Variants in ANKRD17 observed in about 807,000 individuals in gnomAD.
The protein encoded by ANKRD17 is ankyrin repeat domain-containing protein 17.
A neutral mutation model predicts 229.7 loss-of-function variants in ANKRD17; 19 were observed. The observed-to-expected ratio is 0.08, with a 90% CI of 0.06 to 0.12. The LOEUF is 0.12. Ranked by LOEUF, ANKRD17 falls within the 10% of genes least tolerant of loss-of-function variation. The probability of loss-of-function intolerance (pLI) is 1.00; values close to 1 mark genes in which losing one functional copy is unlikely to be tolerated. For synonymous variants in ANKRD17, 1,112 were observed against 1,146.1 expected, an observed-to-expected ratio of 0.97 and a Z score of 0.60; for missense variants, 2,176 against 3,176.8, an observed-to-expected ratio of 0.68 and a Z score of 7.57.
chr4:73,205,324 A>T (rs1242695658), intron 1 of ANKRD17, among the ~76,000 whole-genome samples: 1 of 152,162 alleles, frequency 6.6e-6, no homozygotes, highest in East Asian at 1.9e-4. Context: ...TCTAAAAAAA[A>T]TTTTTTAGCA....
chr4:73,073,592 T>A lies in ANKRD17; in HGVS notation c.*2639A>T, dbSNP rs1720843893. On this transcript the variant is annotated 3_prime_UTR_variant, in exon 34 of 34. Coordinates refer to ENST00000358602, the MANE Select transcript of ANKRD17 (RefSeq NM_032217.5). Reference sequence around the variant, plus strand: ...GATTAGTTAATAAGCTATTTACCTTTTCCAAAGGAGAAAAATGACTATACG... The same window carrying A: ...GATTAGTTAATAAGCTATTTACCTTATCCAAAGGAGAAAAATGACTATACG... The A allele has an allele frequency of 6.6e-6, 1 of 152,068 alleles. No individual in the cohort carries two copies. The highest frequency in any genetic ancestry group is 6.5e-5 in the Admixed American group (1 of 15,278). 9.4% of individuals were successfully genotyped at this position (152,068 alleles called of 1,614,324 possible). A position where few individuals can be genotyped will look rare whatever the true frequency, so the allele number is the denominator to read the frequency against.
chr4:73,153,708 T>C (rs767396838), intron 6 of ANKRD17, among the ~76,000 whole-genome samples, 172 bp downstream of exon 6: 5 of 152,250 alleles, frequency 3.3e-5, no homozygotes, highest in African/African-American at 4.8e-5. Context: ...AAATCTATAT[T>C]TTAAAAATTT....
At chr4:73,223,090 C>T (rs1742076283) in intron 1 of ANKRD17, 2 of 1,511,908 alleles carry the variant, frequency 1.3e-6, no homozygotes, top group Admixed American at 2.0e-5. Context: ...CAGGAACACT[C>T]CTCTGTGTCA....
intron 1 of ANKRD17, among the ~76,000 whole-genome samples, chr4:73,251,685 G>A (rs1745043606): frequency 1.3e-5 from 2 of 152,054 alleles, no homozygotes; most frequent in Non-Finnish European, 2.9e-5. Context: ...TTCATCTGTG[G>A]TCAAGTATGG....
intron 24 of ANKRD17, among the ~76,000 whole-genome samples, chr4:73,110,723 C>G (rs1393337859): frequency 6.6e-6 from 1 of 152,092 alleles, no homozygotes. Flanking sequence ...AAAATATGGG[C>G]TGTAGTTCAG....
At chr4:73,218,512 G>A (rs1411282384) in intron 1 of ANKRD17, among the ~76,000 whole-genome samples, 4 of 151,768 alleles carry the variant, frequency 2.6e-5, no homozygotes, top group Non-Finnish European at 4.4e-5. Flanking sequence ...GCATGGTGGC[G>A]CATGCCTGTA....
chr4:73,194,672 T>A (rs1327280033), intron 1 of ANKRD17, among the ~76,000 whole-genome samples: 1 of 152,158 alleles, frequency 6.6e-6, no homozygotes, highest in Non-Finnish European at 1.5e-5. Flanking sequence ...GAAATATATA[T>A]ACTATACATT....
Position 73,098,682 on chromosome 4 carries a change from ATAC to A in ANKRD17, c.4574-165_4574-163del. On this transcript the variant is annotated intron_variant, in intron 25 of 33. Transcript: ENST00000358602. ...CGGTAATGAGCTGGATAGGACTGAT[ATAC>A]TCTGTGTACCCACGTTCTGTTCAAA... is the stretch of plus-strand genomic sequence containing the variant. 3 of 851,908 alleles carry A rather than the reference ATAC, an allele frequency of 3.5e-6. No homozygotes were observed. The East Asian group carries it at 7.9e-5, about 22-fold the overall frequency. The allele number at this position is 851,908 out of a possible 1,614,324, so 52.8% of individuals were successfully genotyped here.
intron 30 of ANKRD17, chr4:73,080,812 T>A (rs919553002): frequency 5.9e-5 from 9 of 152,212 alleles, no homozygotes; most frequent in African/African-American, 2.2e-4. Context: ...TTCCACATTG[T>A]TTTGTTTTTT....
chr4:73,198,309 T>C (rs1458614553), intron 1 of ANKRD17, among the ~76,000 whole-genome samples: 4 of 152,212 alleles, frequency 2.6e-5, no homozygotes, highest in African/African-American at 9.6e-5. Flanking sequence ...AATGAGACTT[T>C]TAAATTATCC....
At chr4:73,240,499 C>T (rs1029679472) in intron 1 of ANKRD17, among the ~76,000 whole-genome samples, 1 of 151,714 alleles carries the variant, frequency 6.6e-6, no homozygotes, top group Non-Finnish European at 1.5e-5. Context: ...GTGGCATGCA[C>T]CTGTAGTCCC....
chr4:73,099,330 G>A (rs1278848148), intron 25 of ANKRD17, among the ~76,000 whole-genome samples: 4 of 151,966 alleles, frequency 2.6e-5, no homozygotes, highest in Non-Finnish European at 4.4e-5. Context: ...CCACTGCAGG[G>A]GCCCCATGGG....
At chr4:73,101,761 A>C (rs571605643) in intron 25 of ANKRD17, among the ~76,000 whole-genome samples, 93 of 152,112 alleles carry the variant, frequency 6.1e-4, no homozygotes, top group African/African-American at 2.1e-3. Flanking sequence ...ATGTACAAGT[A>C]CTTAAAGAGA....
chr4:73,204,377 AAAGAAAAG>A (rs1336021799), intron 1 of ANKRD17, among the ~76,000 whole-genome samples: 5 of 149,870 alleles, frequency 3.3e-5, no homozygotes, highest in African/African-American at 1.2e-4. Context: ...AAAAAAAAAA[AAAGAAAAG>A]AAAAGAAAAG....
chr4:73,135,062 T>C, intron 16 of ANKRD17, 55 bp downstream of exon 16: 1 of 1,521,310 alleles, frequency 6.6e-7, no homozygotes, highest in Non-Finnish European at 9.0e-7. Context: ...GTTAATGTTT[T>C]TAATTATGGC....
intron 16 of ANKRD17, 149 bp from the exon 17 acceptor site, chr4:73,125,461 G>A (rs768656468): frequency 7.0e-5 from 46 of 655,270 alleles, no homozygotes; most frequent in African/African-American, 1.1e-4. Flanking sequence ...ATGGACGGGC[G>A]TGGTGGCTCA....
At chr4:73,197,978 T>C (rs902198439) in intron 1 of ANKRD17, among the ~76,000 whole-genome samples, 4 of 152,224 alleles carry the variant, frequency 2.6e-5, no homozygotes, top group Non-Finnish European at 5.9e-5. Flanking sequence ...ACAAAACTTA[T>C]AAATATTCAG....
intron 1 of ANKRD17, among the ~76,000 whole-genome samples, chr4:73,251,266 A>G (rs1744998851): frequency 6.6e-6 from 1 of 152,202 alleles, no homozygotes; most frequent in South Asian, 2.1e-4. Flanking sequence ...TCCCTTTTCA[A>G]TAACTGAAAC....
intron 15 of ANKRD17, among the ~76,000 whole-genome samples, 159 bp from the exon 16 acceptor site, chr4:73,135,424 T>C (rs937883881): frequency 2.0e-5 from 3 of 152,224 alleles, no homozygotes; most frequent in African/African-American, 7.2e-5. Context: ...TATTCACTGA[T>C]GACAGTGTAA....
Sources: gnomAD v4.1 joint callset for allele counts (sites outside exome capture counted in the v4.1 genomes callset) on GRCh38, gnomAD v4.1.1 for gene constraint, MANE v1.5 for transcripts, NCBI Gene and HGNC (gene_info 2026-07-23, HGNC 2026-07-21) for gene names.